Variants in PIP4P2 observed in about 807,000 individuals in gnomAD.
PIP4P2 encodes phosphatidylinositol-4,5-bisphosphate 4-phosphatase 2.
In PIP4P2, 19 loss-of-function variants were observed where a neutral mutation model predicts 33.3. That is an observed-to-expected ratio of 0.57 (90% CI 0.40 to 0.84). The LOEUF (loss-of-function observed/expected upper bound fraction) is 0.84, where lower values mean the gene tolerates loss of function less well. Ranked by LOEUF, PIP4P2 falls within the 40% of genes least tolerant of loss-of-function variation. The pLI is 0.00. For missense variants in PIP4P2, 270 were observed against 324.7 expected (o/e 0.83, Z 1.29); for synonymous variants, 110 against 111.9 (o/e 0.98, Z 0.11).
rs746791765 is a variant in PIP4P2, at chr8:90,996,718, C to T, written c.566G>A (p.Arg189Gln). The change falls in exon 6 of 7, where the codon CGA becomes CAA. Residue 189 changes from arginine to glutamine, a missense_variant. Physicochemically the swap from Arg to Gln is conservative, Grantham distance 43. Coordinates refer to ENST00000285419, the MANE Select transcript of PIP4P2 (RefSeq NM_018710.3). ...KISSVGSALP[R>Q]RRCCAYITIG... ...GGTAATATATGCACAGCAGCGTCTT[C>T]GTGGAAGTGCACTACCCACTGAGGA... is the stretch of plus-strand genomic sequence containing the variant. 6.2e-6 allele frequency: 10 copies of T among 1,608,732 alleles called. No individual in the cohort carries two copies. The highest frequency in any genetic ancestry group is 3.3e-5 in the South Asian group (3 of 90,094).
chr8:91,014,024 T>C (rs1165640355), intron 4 of PIP4P2, among the ~76,000 whole-genome samples: 1 of 152,186 alleles, frequency 6.6e-6, no homozygotes, highest in African/African-American at 2.4e-5. Flanking sequence ...ATTTCCATTT[T>C]TTTCCAAACC....
At chr8:91,040,600 A>T (rs776674864) in intron 1 of PIP4P2, 44 bp downstream of exon 1, 4 of 1,607,900 alleles carry the variant, frequency 2.5e-6, no homozygotes, top group Non-Finnish European at 3.4e-6. Context: ...GTTTCCTTGC[A>T]AATCTACTTC....
At chr8:90,996,338 G>A (rs1811628390) in intron 6 of PIP4P2, among the ~76,000 whole-genome samples, 1 of 152,012 alleles carries the variant, frequency 6.6e-6, no homozygotes, top group Admixed American at 6.6e-5. Context: ...TGAATAATAA[G>A]AGACCCCATA....
chr8:91,013,570 T>C (rs1445989562), intron 4 of PIP4P2, among the ~76,000 whole-genome samples: 4 of 152,154 alleles, frequency 2.6e-5, no homozygotes, highest in Non-Finnish European at 5.9e-5. Flanking sequence ...GGTCTCATTC[T>C]ATCACCCAGG....
At chr8:91,020,348 T>C (rs958667173) in intron 2 of PIP4P2, 85 bp from the exon 3 acceptor site, 139 of 1,248,416 alleles carry the variant, frequency 1.1e-4, no homozygotes, top group Admixed American at 2.9e-4. Flanking sequence ...AGGAAAGGAT[T>C]CCATTAAAAC....
intron 5 of PIP4P2, among the ~76,000 whole-genome samples, chr8:91,008,358 A>G (rs1049527208): frequency 7.2e-5 from 11 of 152,302 alleles, no homozygotes; most frequent in African/African-American, 2.6e-4. Context: ...GAGATGAAAA[A>G]GGCCAACAAT....
At chr8:91,012,884 A>C (rs1285117419) in intron 4 of PIP4P2, among the ~76,000 whole-genome samples, 2 of 152,176 alleles carry the variant, frequency 1.3e-5, no homozygotes, top group African/African-American at 4.8e-5. Flanking sequence ...ATATCTACCT[A>C]AACTCTCAAT....
intron 5 of PIP4P2, among the ~76,000 whole-genome samples, chr8:91,005,787 A>T (rs1811755172): frequency 6.6e-6 from 1 of 152,262 alleles, no homozygotes; most frequent in Non-Finnish European, 1.5e-5. Flanking sequence ...TCATGGATTA[A>T]ATCAATGTCT....
intron 1 of PIP4P2, among the ~76,000 whole-genome samples, chr8:91,039,097 A>T (rs1586189669): frequency 6.6e-6 from 1 of 152,230 alleles, no homozygotes; most frequent in African/African-American, 2.4e-5. Flanking sequence ...TAGGACAAAT[A>T]CTTAAATTGA....
intron 5 of PIP4P2, among the ~76,000 whole-genome samples, chr8:91,005,278 T>C (rs1307569838): frequency 6.6e-6 from 1 of 152,166 alleles, no homozygotes. Context: ...TCACATTCAG[T>C]CCTATCCATT....
intron 5 of PIP4P2, among the ~76,000 whole-genome samples, chr8:91,002,663 T>C (rs1811714409): frequency 6.6e-6 from 1 of 152,148 alleles, no homozygotes. Flanking sequence ...AAAAGAAAAT[T>C]TGTTCAAGGA....
chr8:91,017,414 A>G (rs1016691116), intron 4 of PIP4P2, among the ~76,000 whole-genome samples: 1 of 152,044 alleles, frequency 6.6e-6, no homozygotes, highest in Non-Finnish European at 1.5e-5. Context: ...ATAAATGAAT[A>G]AATAAATAAA....
chr8:91,023,917 C>CA (rs1375722432), intron 1 of PIP4P2, among the ~76,000 whole-genome samples: 1 of 151,906 alleles, frequency 6.6e-6, no homozygotes, highest in East Asian at 1.9e-4. Flanking sequence ...CTACGACTTT[C>CA]AAATAGCAAA....
Position 91,022,374 on chromosome 8 carries a change from T to C in PIP4P2, c.107-970A>G, listed in dbSNP as rs189746846. Among the ~76,000 whole-genome samples, 598 of 152,258 alleles carry C rather than the reference T, an allele frequency of 3.9e-3. 7 individuals carry two copies. Among genetic ancestry groups the C allele is most frequent in the African/African-American group, 0.013 (556 of 41,554 alleles). On this transcript the variant is annotated intron_variant, in intron 1 of 6. Coordinates refer to ENST00000285419, the MANE Select transcript of PIP4P2 (RefSeq NM_018710.3). ...AAATCAAGTATCTACCAGAAGTGTA[T>C]ATTTGTTACAAAAGTCTGAGAAAAG...
intron 5 of PIP4P2, among the ~76,000 whole-genome samples, chr8:91,003,617 A>G (rs1216758353): frequency 6.6e-6 from 1 of 152,152 alleles, no homozygotes. Context: ...TGAAATGACC[A>G]TGAGATATCA....
At chr8:91,022,478 G>C (rs778525905) in intron 1 of PIP4P2, among the ~76,000 whole-genome samples, 16 of 152,112 alleles carry the variant, frequency 1.1e-4, no homozygotes, top group Admixed American at 2.0e-4. Flanking sequence ...TCAACTACAG[G>C]AATAGAAGAC....
chr8:91,028,194 A>G lies in PIP4P2; in HGVS notation c.107-6790T>C, dbSNP rs569077198. Among the ~76,000 whole-genome samples the G allele has an allele frequency of 4.6e-5, 7 of 152,340 alleles. No homozygotes were observed. In the East Asian group the frequency reaches 7.7e-4, roughly 17 times the overall value. On this transcript the variant is annotated intron_variant, in intron 1 of 6. Transcript: ENST00000285419. ...GATTGAAATGGATGGGTTACCTGCA[A>G]AGATGTTGCTTGGTTGTATATCTTA...
chr8:91,038,260 C>T (rs1812259217), intron 1 of PIP4P2, among the ~76,000 whole-genome samples: 1 of 152,138 alleles, frequency 6.6e-6, no homozygotes, highest in South Asian at 2.1e-4. Context: ...CATTCCTGTA[C>T]TTTAGAAGGT....
At chr8:91,014,467 T>C (rs1442526318) in intron 4 of PIP4P2, among the ~76,000 whole-genome samples, 1 of 152,088 alleles carries the variant, frequency 6.6e-6, no homozygotes, top group Non-Finnish European at 1.5e-5. Flanking sequence ...CTGGAAGATA[T>C]TATGTTAAGT....
Sources: gnomAD v4.1 joint callset for allele counts (sites outside exome capture counted in the v4.1 genomes callset) on GRCh38, gnomAD v4.1.1 for gene constraint, MANE v1.5 for transcripts, NCBI Gene and HGNC (gene_info 2026-07-23, HGNC 2026-07-21) for gene names.